The following FBN3 variants were observed in gnomAD, a reference collection of about 807,000 sequenced individuals.
FBN3 encodes the protein fibrillin 3.
FBN3 carries 234 observed loss-of-function variants against 330.1 expected under a neutral mutation model. The observed-to-expected ratio is 0.71, with a 90% CI of 0.64 to 0.79. FBN3 has a LOEUF of 0.79. FBN3 is among the 30% of genes least tolerant of loss of function. The probability of loss-of-function intolerance (pLI) is 0.00; values close to 1 mark genes in which losing one functional copy is unlikely to be tolerated. For missense variants in FBN3, 3,606 were observed against 3,886.9 expected (o/e 0.93, Z 1.92); for synonymous variants, 1,458 against 1,517.3 (o/e 0.96, Z 0.91).
rs1422537435 is a variant in FBN3 at position 8,129,219 on chromosome 19, C to T, written c.2170+21G>A. On this transcript the variant is annotated intron_variant, in intron 17 of 63. Coordinates refer to ENST00000600128, the MANE Select transcript of FBN3 (RefSeq NM_032447.5). The surrounding 1 kb of genome is among the most constrained non-coding windows in gnomAD (Gnocchi z 4.5). ...GTGGGAGAGGCTGCCCACACATCCG[C>T]CCGCCAGGTGGCATGCTCACCTGTG... The T allele has an allele frequency of 6.2e-7, 1 of 1,613,136 alleles. No homozygotes were observed.
chr19:8,075,384 C>T lies in FBN3; in HGVS notation c.7481G>A (p.Gly2494Asp), dbSNP rs760247633. 1 of 1,613,986 alleles carries T rather than the reference C, an allele frequency of 6.2e-7. No individual in the cohort carries two copies. Among genetic ancestry groups the T allele is most frequent in the African/African-American group, 1.3e-5 (1 of 75,036 alleles). Residue 2494 changes from glycine (G) to aspartate (D), a missense_variant, in exon 60 of 64, where the codon GGC (glycine) becomes GAC (aspartate). Gly to Asp is a moderately conservative substitution (Grantham distance 94). Coordinates refer to ENST00000600128, the MANE Select transcript of FBN3 (RefSeq NM_032447.5). ...GCAGTGCCCGTGGGCACCACATGGGCCAGGCTGGGCTGAGCACTCATCATT... is the reference window on the plus strand; with the variant it reads ...GCAGTGCCCGTGGGCACCACATGGGTCAGGCTGGGCTGAGCACTCATCATT... ...FDNDECSAQP[G>D]PCGAHGHCHN...
At chr19:8,146,077 G>A (rs373640576) in intron 4 of FBN3, 50 bp downstream of exon 4, 278 of 1,539,102 alleles carry the variant, frequency 1.8e-4, no homozygotes, top group Non-Finnish European at 2.3e-4. Flanking sequence ...GTGGCAACCA[G>A]AACCCTGTGA....
intron 8 of FBN3, among the ~76,000 whole-genome samples, chr19:8,141,444 C>T (rs1239627115): frequency 6.6e-6 from 1 of 152,070 alleles, no homozygotes; most frequent in Non-Finnish European, 1.5e-5. Flanking sequence ...CCCGCTCCAG[C>T]CCCTCGGTTC....
Position 8,121,801 on chromosome 19 carries a change from G to A in FBN3, c.3083-415C>T, listed in dbSNP as rs527245443. 1.2e-4 allele frequency among the ~76,000 whole-genome samples: 18 copies of A among 152,178 alleles called. No homozygotes were observed. Among genetic ancestry groups the A allele is most frequent in the African/African-American group, 3.4e-4 (14 of 41,494 alleles). On this transcript the variant is annotated intron_variant, in intron 24 of 63. Transcript: ENST00000600128. The surrounding 1 kb of genome is among the most constrained non-coding windows in gnomAD (Gnocchi z 4.5). ...GTCTTGCTCTGTCACCCAGGATGGA[G>A]TGCAGTGATGCAATCTCGGCTCACT... is the stretch of plus-strand genomic sequence containing the variant.
At chr19:8,124,229 C>T (rs141468849) in intron 22 of FBN3, among the ~76,000 whole-genome samples, 4 of 151,682 alleles carry the variant, frequency 2.6e-5, no homozygotes, top group South Asian at 4.2e-4. Context: ...ATTTTTTTTA[C>T]GTGATTGATT....
intron 57 of FBN3, among the ~76,000 whole-genome samples, chr19:8,082,327 C>T (rs1430387580): frequency 6.7e-6 from 1 of 148,918 alleles, no homozygotes; most frequent in Non-Finnish European, 1.5e-5. Flanking sequence ...TTCTTTCTTT[C>T]TGTTTCTTTC....
chr19:8,136,519 A>G lies in FBN3; in HGVS notation c.1214T>C (p.Leu405Pro). 1 of 1,614,118 alleles carries G rather than the reference A, an allele frequency of 6.2e-7. No individual in the cohort carries two copies. The highest frequency in any genetic ancestry group is 8.5e-7 in the Non-Finnish European group (1 of 1,179,978). Residue 405 changes from leucine to proline, a missense_variant, in exon 11 of 64, where the codon CTG becomes CCG. Physicochemically the swap from Leu to Pro is moderately conservative, Grantham distance 98. Coordinates refer to ENST00000600128, the MANE Select transcript of FBN3 (RefSeq NM_032447.5). ...TCGGCAGATGTCAATGGTCTGGTTC[A>G]GGGTAGCAGTGCCTACGGGTGGGGC... ...PGNSNIGTAT[L>P]NQTIDICRHF...
intron 47 of FBN3, among the ~76,000 whole-genome samples, chr19:8,092,780 C>T (rs991167018): frequency 2.0e-5 from 3 of 150,182 alleles, no homozygotes; most frequent in Admixed American, 6.6e-5. Flanking sequence ...GGCTGGAGGC[C>T]GTTATTCTAA....
Position 8,088,140 on chromosome 19 carries a change from C to T in FBN3, c.6416G>A (p.Gly2139Glu). 1 of 1,612,830 alleles carries T rather than the reference C, an allele frequency of 6.2e-7. No individual in the cohort carries two copies. Among genetic ancestry groups the T allele is most frequent in the Non-Finnish European group, 8.5e-7 (1 of 1,179,340 alleles). Reference sequence around the variant, plus strand: ...GCCTCCGATGACATTGGTGCATGTCCCTTGCCCACAGGGGTGGCCGACAGA... The same window carrying T: ...GCCTCCGATGACATTGGTGCATGTCTCTTGCCCACAGGGGTGGCCGACAGA... ...ECSVGHPCGQ[G>E]TCTNVIGGFE... The change falls in exon 52 of 64, where the codon GGG becomes GAG. Residue 2139 changes from glycine (G) to glutamate (E), a missense_variant. Gly to Glu is a moderately conservative substitution (Grantham distance 98). Transcript: ENST00000600128.
In FBN3 at chr19:8,133,003, A is replaced by T; in HGVS notation, c.1695T>A (p.Pro565=). 1.3e-6 allele frequency: 2 copies of T among 1,569,622 alleles called. No homozygotes were observed. Among genetic ancestry groups the T allele is most frequent in the South Asian group, 1.2e-5 (1 of 85,738 alleles). Residue 565 remains proline, a synonymous_variant, in exon 14 of 64, where the codon CCT becomes CCA. Transcript: ENST00000600128. Reference sequence around the variant, plus strand: ...GCTCACCCATGCAGTAGTGGCCGCCAGGCGCCAGCAGGAAGCCGGGTTTGC... The same window carrying T: ...GCTCACCCATGCAGTAGTGGCCGCCTGGCGCCAGCAGGAAGCCGGGTTTGC... ...CLCKPGFLLA[P]GGHYCMDIDE...
intron 11 of FBN3, 22 bp downstream of exon 11, chr19:8,136,366 C>T (rs74793033): frequency 6.2e-7 from 1 of 1,609,940 alleles, no homozygotes; most frequent in South Asian, 1.1e-5. Flanking sequence ...ACCGCCCCCC[C>T]TTCCACCTGG....
intron 13 of FBN3, 25 bp downstream of exon 13, chr19:8,135,936 G>GGGGGGGGGCGCCCCCCCCC: frequency 1.5e-6 from 1 of 668,774 alleles, no homozygotes; most frequent in Non-Finnish European, 2.4e-6. Flanking sequence ...GGAAGCCCCT[G>GGGGGGGGGCGCCCCCCCCC]CCCACCCGCC....
At chr19:8,085,990 AGGGACAGGCAGTGGG>A (rs1418740062) in intron 55 of FBN3, among the ~76,000 whole-genome samples, 195 bp downstream of exon 55, 67 of 94,958 alleles carry the variant, frequency 7.1e-4, no homozygotes, top group African/African-American at 2.7e-3. Context: ...AGGCAGTGGG[AGGGACAGGCAGTGGG>A]GGGACAGGCA....
At chr19:8,145,625 A>G (rs1172929526) in intron 5 of FBN3, among the ~76,000 whole-genome samples, 5 of 147,386 alleles carry the variant, frequency 3.4e-5, no homozygotes, top group East Asian at 2.0e-4. Context: ...AGCTTGCAGT[A>G]AGCCGAGATC....
chr19:8,138,686 T>C, intron 8 of FBN3, 122 bp from the exon 9 acceptor site: 1 of 1,019,408 alleles, frequency 9.8e-7, no homozygotes, highest in Non-Finnish European at 1.4e-6. Context: ...GTGCCTCAGT[T>C]TCCTCTCCAT....
At chr19:8,138,649 C>T (rs2083344066) in intron 8 of FBN3, 85 bp from the exon 9 acceptor site, 2 of 1,403,298 alleles carry the variant, frequency 1.4e-6, no homozygotes, top group East Asian at 2.5e-5. Context: ...GCAGCACTGC[C>T]TGTAGGACGG....
chr19:8,135,937 C>CCA, intron 13 of FBN3, 24 bp downstream of exon 13: 7 of 116,776 alleles, frequency 6.0e-5, no homozygotes, highest in South Asian at 1.7e-4. Flanking sequence ...GAAGCCCCTG[C>CCA]CCACCCGCCC....
At chr19:8,124,811 C>T (rs1228418021) in intron 22 of FBN3, among the ~76,000 whole-genome samples, 2 of 152,224 alleles carry the variant, frequency 1.3e-5, no homozygotes, top group Admixed American at 6.5e-5. Context: ...GCTGGCATTA[C>T]AGGCGTGAGC....
rs770223899 is a variant in FBN3, at chr19:8,117,152, A to T, written c.3586+17T>A. 1.4e-5 allele frequency: 22 copies of T among 1,613,790 alleles called. No homozygotes were observed. In the South Asian group the frequency reaches 2.4e-4, roughly 18 times the overall value. On this transcript the variant is annotated intron_variant, in intron 28 of 63. Transcript: ENST00000600128. The stretch of plus-strand genomic sequence containing the variant: ...ACCCTCCACACCAGGCAGTGGGAAG[A>T]AGTTGTGCCCACCTACCTGCACATG...
Sources: gnomAD v4.1 joint callset for allele counts (sites outside exome capture counted in the v4.1 genomes callset) on GRCh38, gnomAD v4.1.1 for gene constraint, Gnocchi (gnomAD v3.1) non-coding constraint, MANE v1.5 for transcripts, NCBI Gene and HGNC (gene_info 2026-07-23, HGNC 2026-07-21) for gene names.